The following CDH13 variants were observed in gnomAD, a reference collection of about 807,000 sequenced individuals.
The protein encoded by CDH13 is cadherin-13.
In CDH13, 24 loss-of-function variants were observed where a neutral mutation model predicts 63.8. That is an observed-to-expected ratio of 0.38 (90% confidence interval 0.27 to 0.53). The LOEUF (loss-of-function observed/expected upper bound fraction) is 0.53. CDH13 is among the 20% of genes least tolerant of loss of function. The pLI is 0.85. For missense variants in CDH13, 1,049 were observed against 903.1 expected, an observed-to-expected ratio of 1.16 and a Z score of -2.07; for synonymous variants, 503 against 355.3, an observed-to-expected ratio of 1.42 and a Z score of -4.67.
intron 1 of CDH13, among the ~76,000 whole-genome samples, chr16:82,725,160 G>C (rs1288239759): frequency 6.6e-6 from 1 of 152,112 alleles, no homozygotes; most frequent in African/African-American, 2.4e-5. Context: ...TGACAGTTGT[G>C]CTAATGGCGA....
At chr16:82,945,076 T>G (rs967157841) in intron 2 of CDH13, among the ~76,000 whole-genome samples, 1 of 152,216 alleles carries the variant, frequency 6.6e-6, no homozygotes, top group Non-Finnish European at 1.5e-5. Context: ...GTCATTATAC[T>G]TTTTGTTATC....
chr16:83,597,886 C>T (rs1462646837), intron 7 of CDH13, among the ~76,000 whole-genome samples: 2 of 152,174 alleles, frequency 1.3e-5, no homozygotes, highest in Admixed American at 6.5e-5. Context: ...AGAATTTGTA[C>T]ATACCTCTGC....
At chr16:82,873,413 T>C (rs1210320896) in intron 2 of CDH13, among the ~76,000 whole-genome samples, 1 of 152,200 alleles carries the variant, frequency 6.6e-6, no homozygotes, top group Admixed American at 6.5e-5. Flanking sequence ...CCATATGGAA[T>C]GCTGTAGCTG....
In CDH13 at chr16:83,421,242, A is replaced by G. The variant is rs78127556; in HGVS notation, c.782-65235A>G. On this transcript the variant is annotated intron_variant, in intron 6 of 13. Transcript: ENST00000567109. ...ATAGGATTAGTGAGGTGAAGAGAAG[A>G]ATAAATATCCAGAAGAGGGTTAATT... is the stretch of plus-strand genomic sequence containing the variant. Among the ~76,000 whole-genome samples the G allele has an allele frequency of 6.2e-3, 937 of 152,332 alleles. 22 individuals carry two copies. The East Asian group carries it at 0.064, about 10-fold the overall frequency.
intron 6 of CDH13, among the ~76,000 whole-genome samples, chr16:83,379,345 T>C (rs2091514919): frequency 6.6e-6 from 1 of 152,178 alleles, no homozygotes; most frequent in Non-Finnish European, 1.5e-5. Flanking sequence ...GTGTCTTCCA[T>C]GGCCTATGGT....
intron 1 of CDH13, among the ~76,000 whole-genome samples, chr16:82,671,646 C>T (rs1191951480): frequency 6.6e-6 from 1 of 152,050 alleles, no homozygotes; most frequent in Non-Finnish European, 1.5e-5. Flanking sequence ...AGTCTTTTGC[C>T]CAGATAGTGA....
Position 82,644,068 on chromosome 16 carries a change from A to C in CDH13, c.45+16931A>C, listed in dbSNP as rs969215970. On this transcript the variant is annotated intron_variant, in intron 1 of 13. Coordinates refer to ENST00000567109, the MANE Select transcript of CDH13 (RefSeq NM_001257.5). This position sits in a 1 kb window ranked among gnomAD's most constrained non-coding sequence, Gnocchi z 5.7. ...TGGTTTAGGATGGGGGGTGGTATGG[A>C]GGTCGGGTGGGGAGAAAGAGGAGAG... is the stretch of plus-strand genomic sequence containing the variant. 2.0e-5 allele frequency among the ~76,000 whole-genome samples: 3 copies of C among 152,066 alleles called. No homozygotes were observed. Among genetic ancestry groups the C allele is most frequent in the African/African-American group, 7.2e-5 (3 of 41,382 alleles).
At chr16:83,431,335 T>C (rs1598004670) in intron 6 of CDH13, among the ~76,000 whole-genome samples, 1 of 151,948 alleles carries the variant, frequency 6.6e-6, no homozygotes, top group East Asian at 2.0e-4. Flanking sequence ...GAGACAACCA[T>C]AGGTTAGAGT....
At chr16:82,661,208 C>T (rs141470124) in intron 1 of CDH13, among the ~76,000 whole-genome samples, 85 of 152,274 alleles carry the variant, frequency 5.6e-4, no homozygotes, top group African/African-American at 2.0e-3. Flanking sequence ...TGGCTTCAAG[C>T]TCTCCCCTCA....
chr16:83,193,790 A>G (rs2038795590), intron 4 of CDH13, among the ~76,000 whole-genome samples: 1 of 152,212 alleles, frequency 6.6e-6, no homozygotes, highest in Non-Finnish European at 1.5e-5. Context: ...TTTGATTAAC[A>G]GCTCTTAAAA....
At chr16:82,847,562 G>A (rs532260511) in intron 1 of CDH13, among the ~76,000 whole-genome samples, 4 of 152,104 alleles carry the variant, frequency 2.6e-5, no homozygotes, top group African/African-American at 7.2e-5. Flanking sequence ...ATTACATTGG[G>A]TTTACGTGAT....
rs2038375104 is a variant in CDH13 at position 83,182,436 on chromosome 16, G to C, written c.484-34909G>C. 2.0e-5 allele frequency among the ~76,000 whole-genome samples: 3 copies of C among 152,152 alleles called. No individual in the cohort carries two copies. In the South Asian group the frequency reaches 6.2e-4, roughly 32 times the overall value. On this transcript the variant is annotated intron_variant, in intron 4 of 13. Transcript: ENST00000567109. ...TGCTAGGGAAAATAATTCATCTTTT[G>C]AACCCCTCTGGGACATTTCTGTGAG...
At chr16:83,407,851 C>T (rs963660637) in intron 6 of CDH13, among the ~76,000 whole-genome samples, 3 of 152,134 alleles carry the variant, frequency 2.0e-5, no homozygotes, top group East Asian at 1.9e-4. Context: ...CTTACAAATG[C>T]GTAATCGACT....
chr16:83,000,415 A>AT (rs1421045891), intron 2 of CDH13, among the ~76,000 whole-genome samples: 10 of 149,346 alleles, frequency 6.7e-5, no homozygotes, highest in South Asian at 2.1e-4. Context: ...CGCCCAGCTA[A>AT]TTTTTTGTAT....
In CDH13 at chr16:83,678,406, G is replaced by A. The variant is rs201203773; in HGVS notation, c.1483G>A (p.Val495Met). ...TRQEDLSVGS[V>M]LLTVNATDPD... ...GCAGGAGGACCTCTCTGTGGGCAGCGTGCTGCTGACAGTGAATGCCACGGA... is the reference window on the plus strand; with the variant it reads ...GCAGGAGGACCTCTCTGTGGGCAGCATGCTGCTGACAGTGAATGCCACGGA... Residue 495 changes from valine to methionine, a missense_variant, in exon 10 of 14, where the codon GTG (valine) becomes ATG (methionine). Coordinates refer to ENST00000567109, the MANE Select transcript of CDH13 (RefSeq NM_001257.5). 8.2e-5 allele frequency: 133 copies of A among 1,613,950 alleles called. No individual in the cohort carries two copies. The Admixed American group carries it at 8.3e-4, about 10-fold the overall frequency.
chr16:83,301,685 T>G (rs2089750434), intron 5 of CDH13, among the ~76,000 whole-genome samples: 1 of 152,164 alleles, frequency 6.6e-6, no homozygotes, highest in Non-Finnish European at 1.5e-5. Context: ...TGAACGTTAG[T>G]GTACCTTATT....
chr16:82,673,279 C>T (rs1333166395), intron 1 of CDH13, among the ~76,000 whole-genome samples: 1 of 152,052 alleles, frequency 6.6e-6, no homozygotes, highest in Non-Finnish European at 1.5e-5. Context: ...TTTCCTCTGT[C>T]ATTCATTCAA....
chr16:82,806,475 T>C (rs1298744283), intron 1 of CDH13, among the ~76,000 whole-genome samples: 3 of 152,218 alleles, frequency 2.0e-5, no homozygotes, highest in African/African-American at 7.2e-5. Flanking sequence ...ATTTTTGTTA[T>C]TCTTGAGCTC....
intron 3 of CDH13, among the ~76,000 whole-genome samples, chr16:83,088,535 G>T: frequency 6.6e-6 from 1 of 152,148 alleles, no homozygotes. Flanking sequence ...AGCCGTTTCT[G>T]ATACAGCCTT....
Sources: allele counts gnomAD v4.1 joint callset (sites outside exome capture counted in the v4.1 genomes callset), GRCh38; gene constraint gnomAD v4.1.1; non-coding constraint Gnocchi (gnomAD v3.1); transcripts MANE v1.5; gene names NCBI Gene and HGNC (gene_info 2026-07-23, HGNC 2026-07-21).